SPAG16: variants seen among roughly 807,000 people sequenced by gnomAD.
SPAG16 encodes the protein sperm-associated antigen 16 protein.
A neutral mutation model predicts 80.4 loss-of-function variants in SPAG16; 86 were observed. The observed-to-expected ratio is 1.07, with a 90% CI of 0.90 to 1.28. SPAG16 has a LOEUF of 1.28. Among genes scored for constraint, SPAG16 ranks in the 50% most tolerant of loss-of-function variants. SPAG16 has a pLI of 0.00. For synonymous variants in SPAG16, 294 were observed against 265.9 expected, an observed-to-expected ratio of 1.11 and a Z score of -1.03; for missense variants, 870 against 765.3, an observed-to-expected ratio of 1.14 and a Z score of -1.61.
intron 1 of SPAG16, among the ~76,000 whole-genome samples, chr2:213,293,189 G>A (rs2062365564): frequency 6.6e-6 from 1 of 152,148 alleles, no homozygotes; most frequent in Non-Finnish European, 1.5e-5. Flanking sequence ...ATGGTGCCCT[G>A]TGAAGAAGTG....
intron 10 of SPAG16, among the ~76,000 whole-genome samples, chr2:213,751,092 C>CA (rs1355213704): frequency 6.6e-6 from 1 of 151,786 alleles, no homozygotes; most frequent in East Asian, 1.9e-4. Context: ...TTAATTGATA[C>CA]AATTAACAAT....
At chr2:213,606,490 T>C (rs2061265226) in intron 10 of SPAG16, among the ~76,000 whole-genome samples, 1 of 152,236 alleles carries the variant, frequency 6.6e-6, no homozygotes, top group South Asian at 2.1e-4. Context: ...GAAACTTTTC[T>C]AATAAATTGT....
chr2:214,181,404 TCAAGGCATCC>T (rs1248852136), intron 15 of SPAG16, among the ~76,000 whole-genome samples: 2 of 151,724 alleles, frequency 1.3e-5, no homozygotes, highest in Admixed American at 1.3e-4. Context: ...GATGGGATTT[TCAAGGCATCC>T]CAAGGCATCC....
chr2:213,855,693 CAGGAG>C (rs1159175918), intron 10 of SPAG16, among the ~76,000 whole-genome samples: 23 of 152,284 alleles, frequency 1.5e-4, no homozygotes, highest in Admixed American at 3.9e-4. Context: ...CACAGGGCAT[CAGGAG>C]AGGGAATGAG....
At chr2:213,314,063 C>G (rs988686119) in intron 4 of SPAG16, among the ~76,000 whole-genome samples, 1 of 151,846 alleles carries the variant, frequency 6.6e-6, no homozygotes, top group Non-Finnish European at 1.5e-5. Flanking sequence ...TACTGGAATT[C>G]TGTCATAATA....
intron 10 of SPAG16, among the ~76,000 whole-genome samples, chr2:213,804,538 T>C (rs1380744042): frequency 3.9e-5 from 6 of 152,020 alleles, no homozygotes; most frequent in East Asian, 3.9e-4. Flanking sequence ...AAAAAATTAG[T>C]TGGGCGTGGT....
At chr2:213,524,882 A>G (rs1174112831) in intron 10 of SPAG16, among the ~76,000 whole-genome samples, 1 of 152,118 alleles carries the variant, frequency 6.6e-6, no homozygotes, top group African/African-American at 2.4e-5. Context: ...ATTAGTTAAG[A>G]CTTTTGGGGA....
intron 10 of SPAG16, among the ~76,000 whole-genome samples, chr2:213,592,962 A>G (rs2060755454): frequency 6.6e-6 from 1 of 152,150 alleles, no homozygotes; most frequent in Non-Finnish European, 1.5e-5. Context: ...AACTTATATT[A>G]ATCTCCACTT....
At chr2:213,439,900 C>CA (rs1043697110) in intron 9 of SPAG16, among the ~76,000 whole-genome samples, 5 of 152,100 alleles carry the variant, frequency 3.3e-5, no homozygotes, top group African/African-American at 1.2e-4. Flanking sequence ...TTTACAATTA[C>CA]AAAAAACTCT....
intron 10 of SPAG16, among the ~76,000 whole-genome samples, chr2:213,764,121 T>C (rs2068806923): frequency 6.6e-6 from 1 of 152,212 alleles, no homozygotes; most frequent in Admixed American, 6.5e-5. Flanking sequence ...TGTGAGTTAA[T>C]TAAGTTATTC....
intron 10 of SPAG16, among the ~76,000 whole-genome samples, chr2:213,714,937 A>G (rs1451394013): frequency 6.6e-6 from 1 of 152,200 alleles, no homozygotes. Context: ...AGACAATAAC[A>G]AAGTTGCTTC....
At chr2:214,280,689 T>C (rs1692856416) in intron 15 of SPAG16, 1 of 339,526 alleles carries the variant, frequency 2.9e-6, no homozygotes. Context: ...TCTTTTGAGC[T>C]ACCTGATCTT....
chr2:213,709,906 G>T (rs1379633301), intron 10 of SPAG16, among the ~76,000 whole-genome samples: 1 of 152,150 alleles, frequency 6.6e-6, no homozygotes, highest in Non-Finnish European at 1.5e-5. Flanking sequence ...TTTAAAGAAA[G>T]TTTATTATAG....
intron 9 of SPAG16, among the ~76,000 whole-genome samples, chr2:213,410,773 CCA>C (rs1182391518): frequency 1.3e-5 from 2 of 152,212 alleles, no homozygotes; most frequent in East Asian, 3.8e-4. Context: ...TGTCCCCTTT[CCA>C]CTAAGGTGGT....
intron 15 of SPAG16, among the ~76,000 whole-genome samples, chr2:214,163,054 T>C (rs1190042560): frequency 6.6e-6 from 1 of 152,114 alleles, no homozygotes; most frequent in East Asian, 1.9e-4. Context: ...GAGATCTCAG[T>C]TTCTGACATG....
At chr2:213,825,343 A>T (rs989386730) in intron 10 of SPAG16, among the ~76,000 whole-genome samples, 16 of 152,110 alleles carry the variant, frequency 1.1e-4, no homozygotes, top group African/African-American at 3.9e-4. Context: ...CTCATTTAGT[A>T]TACTACTAGC....
chr2:213,814,724 A>G (rs1395588520), intron 10 of SPAG16, among the ~76,000 whole-genome samples: 3 of 152,124 alleles, frequency 2.0e-5, no homozygotes, highest in African/African-American at 7.2e-5. Flanking sequence ...TGGGAGGCGG[A>G]GGTTGCAGTG....
chr2:214,069,843 T>C (rs2050705472), intron 13 of SPAG16, among the ~76,000 whole-genome samples: 1 of 152,082 alleles, frequency 6.6e-6, no homozygotes. Flanking sequence ...TAATGTCCAA[T>C]ATCAGATAGA....
At chr2:213,466,219 A>G (rs2072685944) in intron 9 of SPAG16, among the ~76,000 whole-genome samples, 1 of 152,168 alleles carries the variant, frequency 6.6e-6, no homozygotes, top group Non-Finnish European at 1.5e-5. Context: ...GTGTGAGCCA[A>G]TACTCCTTAA....
Sources: allele counts gnomAD v4.1 joint callset (sites outside exome capture counted in the v4.1 genomes callset), GRCh38; gene constraint gnomAD v4.1.1; transcripts MANE v1.5; gene names NCBI Gene and HGNC (gene_info 2026-07-23, HGNC 2026-07-21).